Variants in RASA3 observed in about 807,000 individuals in gnomAD.
RASA3 encodes RAS p21 protein activator 3, also known as ras GTPase-activating protein 3.
A neutral mutation model predicts 110.0 loss-of-function variants in RASA3; 73 were observed. The observed-to-expected ratio is 0.66, with a 90% CI of 0.55 to 0.81. The LOEUF (loss-of-function observed/expected upper bound fraction) is 0.81. Ranked by LOEUF, RASA3 falls within the 30% of genes least tolerant of loss-of-function variation. RASA3 has a pLI of 0.00. For missense variants in RASA3, 976 were observed against 1,113.2 expected, an observed-to-expected ratio of 0.88 and a Z score of 1.75; for synonymous variants, 500 against 451.4, an observed-to-expected ratio of 1.11 and a Z score of -1.37.
intron 18 of RASA3, among the ~76,000 whole-genome samples, chr13:114,003,939 C>T (rs2053458710): frequency 6.6e-6 from 1 of 152,192 alleles, no homozygotes; most frequent in African/African-American, 2.4e-5. Flanking sequence ...CTGCCAGGGA[C>T]ACCCTTTCTG....
chr13:113,999,094 G>A (rs1456502539), intron 20 of RASA3, among the ~76,000 whole-genome samples: 1 of 36,176 alleles, frequency 2.8e-5, no homozygotes, highest in Non-Finnish European at 4.5e-5. Flanking sequence ...ACCGGGGAAC[G>A]AGGCCACACG....
At chr13:113,990,417 G>A (rs1478389282) in intron 22 of RASA3, among the ~76,000 whole-genome samples, 1 of 152,212 alleles carries the variant, frequency 6.6e-6, no homozygotes, top group African/African-American at 2.4e-5. Context: ...GTGGTGCAGG[G>A]AGCAAGCTGA....
At chr13:114,030,260 G>C (rs2054122456) in intron 4 of RASA3, among the ~76,000 whole-genome samples, 1 of 152,248 alleles carries the variant, frequency 6.6e-6, no homozygotes. Context: ...AACCAGAGGG[G>C]AAGCACAGCT....
At chr13:114,077,579 T>G (rs2001388) in intron 1 of RASA3, among the ~76,000 whole-genome samples, 1 of 102,600 alleles carries the variant, frequency 9.7e-6, no homozygotes, top group African/African-American at 3.9e-5. Flanking sequence ...CTGGCACCAA[T>G]GCACCGGATT....
chr13:114,047,798 C>T (rs752535652), intron 3 of RASA3, among the ~76,000 whole-genome samples: 1 of 152,216 alleles, frequency 6.6e-6, no homozygotes, highest in Non-Finnish European at 1.5e-5. Flanking sequence ...CACGTGGCCT[C>T]CTGGAAAAGG....
In RASA3 at chr13:114,056,646, G is replaced by A; in HGVS notation, c.174-4491C>T. The A allele has an allele frequency of 1.0e-6, 1 of 985,300 alleles. No homozygotes were observed. The highest frequency in any genetic ancestry group is 1.2e-6 in the Non-Finnish European group (1 of 829,926). The allele number at this position is 985,300 out of a possible 1,614,324, so 61.0% of individuals were successfully genotyped here. ...CTGGGAGGGTCCCGTGAGGCTTCTG[G>A]TGGTGCTGACAGCTGTCCGTGGAAA... On this transcript the variant is annotated intron_variant, in intron 2 of 23. Transcript: ENST00000334062. This position sits in a 1 kb window ranked among gnomAD's most constrained non-coding sequence, Gnocchi z 5.7.
rs61973917 is a variant in RASA3, at chr13:114,065,458, C to G, written c.173+8262G>C. Among the ~76,000 whole-genome samples, 20,580 of 152,274 alleles carry G rather than the reference C, an allele frequency of 0.14. 1,792 individuals carry two copies. Among genetic ancestry groups the G allele is most frequent in the Middle Eastern group, 0.21 (62 of 294 alleles). ...GTCTGCGAAGCAGCCCTGGGGCTCC[C>G]AAGCCAGCCTCTGGGCTGAGCTCTG... is the stretch of plus-strand genomic sequence containing the variant. On this transcript the variant is annotated intron_variant, in intron 2 of 23. Transcript: ENST00000334062. The surrounding 1 kb of genome is among the most constrained non-coding windows in gnomAD (Gnocchi z 4.1).
intron 1 of RASA3, among the ~76,000 whole-genome samples, chr13:114,118,597 A>T (rs997565315): frequency 6.6e-6 from 1 of 152,214 alleles, no homozygotes; most frequent in Non-Finnish European, 1.5e-5. Context: ...AAATGTCCCA[A>T]ATATTTCTGA....
At chr13:114,130,115 A>G (rs1330741960) in intron 1 of RASA3, among the ~76,000 whole-genome samples, 1 of 152,238 alleles carries the variant, frequency 6.6e-6, no homozygotes, top group Non-Finnish European at 1.5e-5. Flanking sequence ...CAGCACAGTT[A>G]CATGAGACTA....
chr13:114,102,045 C>T (rs1010753972), intron 1 of RASA3, among the ~76,000 whole-genome samples: 2 of 152,308 alleles, frequency 1.3e-5, no homozygotes, highest in African/African-American at 4.8e-5. Context: ...AGGACCTGCC[C>T]GACACACAGT....
At chr13:114,000,502 G>A (rs960777581) in intron 19 of RASA3, among the ~76,000 whole-genome samples, 1 of 152,188 alleles carries the variant, frequency 6.6e-6, no homozygotes, top group Non-Finnish European at 1.5e-5. Flanking sequence ...CTACCTCGGC[G>A]GAGCGGCACC....
At chr13:114,106,830 G>T (rs1399688518) in intron 1 of RASA3, among the ~76,000 whole-genome samples, 1 of 152,218 alleles carries the variant, frequency 6.6e-6, no homozygotes, top group Non-Finnish European at 1.5e-5. Flanking sequence ...ACTATATGCT[G>T]CGTCCCATTT....
rs549488888 is a variant in RASA3 at position 114,115,922 on chromosome 13, G to A, written c.55+16513C>T. ...GCAGGCTTAAAGAAGAAACCCAAACGCTCTGTGAATGGGACATGTGCTCAG... is the reference window on the plus strand; with the variant it reads ...GCAGGCTTAAAGAAGAAACCCAAACACTCTGTGAATGGGACATGTGCTCAG... On this transcript the variant is annotated intron_variant, in intron 1 of 23. Coordinates refer to ENST00000334062, the MANE Select transcript of RASA3 (RefSeq NM_007368.4). The surrounding 1 kb of genome is among the most constrained non-coding windows in gnomAD (Gnocchi z 5.0). Among the ~76,000 whole-genome samples, 2 of 152,342 alleles carry A rather than the reference G, an allele frequency of 1.3e-5. No individual in the cohort carries two copies. The highest frequency in any genetic ancestry group is 6.5e-5 in the Admixed American group (1 of 15,308).
chr13:113,984,373 T>C (rs1473459216), intron 22 of RASA3, among the ~76,000 whole-genome samples: 15 of 68,172 alleles, frequency 2.2e-4, no homozygotes, highest in Admixed American at 6.0e-4. Flanking sequence ...CGTCCACCCA[T>C]TCATCACTCA....
intron 1 of RASA3, among the ~76,000 whole-genome samples, chr13:114,124,372 G>A (rs1426665411): frequency 1.3e-5 from 2 of 152,212 alleles, no homozygotes; most frequent in Non-Finnish European, 2.9e-5. Flanking sequence ...AATACTCACA[G>A]AAAAACAAAA....
chr13:113,996,956 G>T (rs529277695), intron 20 of RASA3, among the ~76,000 whole-genome samples: 1 of 152,246 alleles, frequency 6.6e-6, no homozygotes, highest in East Asian at 1.9e-4. Flanking sequence ...AGCTGGGGCC[G>T]TGGGGAATGG....
chr13:114,013,105 A>T, intron 15 of RASA3, 37 bp downstream of exon 15: 1 of 1,575,794 alleles, frequency 6.3e-7, no homozygotes, highest in Admixed American at 1.8e-5. Context: ...GTCGCAGGAC[A>T]GCTCAGAAAG....
intron 2 of RASA3, among the ~76,000 whole-genome samples, chr13:114,055,177 T>G (rs545351693): frequency 1.3e-5 from 2 of 152,290 alleles, no homozygotes; most frequent in African/African-American, 4.8e-5. Context: ...CATGGGTGTG[T>G]GCATGCATGT....
intron 1 of RASA3, among the ~76,000 whole-genome samples, chr13:114,078,889 C>G (rs766712021): frequency 6.6e-6 from 1 of 152,162 alleles, no homozygotes; most frequent in African/African-American, 2.4e-5. Flanking sequence ...CCGCAGCACC[C>G]GGAGCCACAC....
Sources: gnomAD v4.1 joint callset for allele counts (sites outside exome capture counted in the v4.1 genomes callset) on GRCh38, gnomAD v4.1.1 for gene constraint, Gnocchi (gnomAD v3.1) non-coding constraint, MANE v1.5 for transcripts, NCBI Gene and HGNC (gene_info 2026-07-23, HGNC 2026-07-21) for gene names.